DZIP1L: variants seen among roughly 807,000 people sequenced by gnomAD.
The protein encoded by DZIP1L is cilium assembly protein DZIP1L.
DZIP1L carries 90 observed loss-of-function variants against 88.7 expected under a neutral mutation model. The ratio of observed to expected loss-of-function variants is 1.02; its 90% CI spans 0.86 to 1.21. The LOEUF (loss-of-function observed/expected upper bound fraction) is 1.21. Among genes scored for constraint, DZIP1L ranks in the 50% most tolerant of loss-of-function variants. The pLI, the probability that DZIP1L is intolerant of heterozygous loss-of-function variation, is 0.00. For synonymous variants in DZIP1L, 363 were observed against 372.1 expected (o/e 0.98, Z 0.28); for missense variants, 932 against 955.8 (o/e 0.98, Z 0.33).
intron 11 of DZIP1L, among the ~76,000 whole-genome samples, chr3:138,075,202 T>C (rs778820870): frequency 1.3e-5 from 2 of 152,114 alleles, no homozygotes; most frequent in Non-Finnish European, 2.9e-5. Context: ...AACACAATAA[T>C]AGTGGGGGAT....
At position 138,071,788 on chromosome 3, in the gene DZIP1L, C is replaced by T. The variant is rs749943377; in HGVS notation, c.1470G>A (p.Leu490=). ...SIQTLRHLES[L]LRVQREQKAR... Reference sequence around the variant, plus strand: ...CCTTCTGCTCCCGCTGGACTCTCAGCAGGGATTCCAGGTGTCTGAGAGTCT... The same window carrying T: ...CCTTCTGCTCCCGCTGGACTCTCAGTAGGGATTCCAGGTGTCTGAGAGTCT... Residue 490 remains leucine, a synonymous_variant, in exon 12 of 16, where the codon CTG becomes CTA. Transcript: ENST00000327532. The T allele has an allele frequency of 6.2e-7, 1 of 1,614,148 alleles. No individual in the cohort carries two copies. Among genetic ancestry groups the T allele is most frequent in the Admixed American group, 1.7e-5 (1 of 60,034 alleles).
intron 12 of DZIP1L, 25 bp downstream of exon 12, chr3:138,071,618 T>G (rs770298935): frequency 6.2e-7 from 1 of 1,601,584 alleles, no homozygotes. Flanking sequence ...GTCACAGCCC[T>G]GAGCAAGCCC....
chr3:138,101,428 C>A, intron 2 of DZIP1L: 1 of 719,976 alleles, frequency 1.4e-6, no homozygotes, highest in South Asian at 1.6e-5. Flanking sequence ...CCCCGCTGGG[C>A]TCTGGGGCAG....
chr3:138,067,854 G>A lies in DZIP1L; in HGVS notation c.1833-154C>T, dbSNP rs3856632. On this transcript the variant is annotated intron_variant, in intron 13 of 15. Coordinates refer to ENST00000327532, the MANE Select transcript of DZIP1L (RefSeq NM_173543.3). ...AAGACAGCCAGGAGACCCCTGGAGT[G>A]CAGCAGCCACACCAGTATCTCCCTT... Among the ~76,000 whole-genome samples, 26,064 of 152,194 alleles carry A rather than the reference G, an allele frequency of 0.17. 2,552 individuals are homozygous for A. Among genetic ancestry groups the A allele is most frequent in the African/African-American group, 0.24 (10,129 of 41,486 alleles).
chr3:138,090,886 C>CTT (rs749384584), intron 5 of DZIP1L, among the ~76,000 whole-genome samples: 11 of 143,594 alleles, frequency 7.7e-5, no homozygotes, highest in Admixed American at 7.0e-5. Flanking sequence ...CAAGGGATAA[C>CTT]TTTTTTTTTT....
chr3:138,112,882 G>A (rs892167886), intron 1 of DZIP1L, among the ~76,000 whole-genome samples: 5 of 152,198 alleles, frequency 3.3e-5, no homozygotes, highest in Non-Finnish European at 7.3e-5. Context: ...GGGAAGCAGA[G>A]GTTGCAGTGA....
rs555261255 is a variant in DZIP1L at position 138,103,110 on chromosome 3, G to A, written c.501+361C>T. On this transcript the variant is annotated intron_variant, in intron 2 of 15. Transcript: ENST00000327532. ...ACATACACACAGAGGTACCCTTCAA[G>A]TATTCACACACACACACACACATTA... Among the ~76,000 whole-genome samples, 341 of 147,454 alleles carry A rather than the reference G, an allele frequency of 2.3e-3. 1 individual carries two copies. Among genetic ancestry groups the A allele is most frequent in the African/African-American group, 8.2e-3 (327 of 39,798 alleles).
rs36030851 is a variant in DZIP1L, at chr3:138,067,648, C to A, written c.1885G>T (p.Val629Leu). Reference sequence around the variant, plus strand: ...GGAACTTTTGGGGGCTGTAGAGACACACGCTGCACACGGTCTCCCTCTGAG... The same window carrying A: ...GGAACTTTTGGGGGCTGTAGAGACAAACGCTGCACACGGTCTCCCTCTGAG... ...EDSEGDRVQRVSLQPPKVPSR... is the reference protein window; with the variant it reads ...EDSEGDRVQRLSLQPPKVPSR... The change falls in exon 14 of 16, where the codon GTG becomes TTG. Residue 629 changes from valine to leucine, a missense_variant. Physicochemically the swap from Val to Leu is conservative, Grantham distance 32 (BLOSUM62 1). Coordinates refer to ENST00000327532, the MANE Select transcript of DZIP1L (RefSeq NM_173543.3). The A allele has an allele frequency of 6.2e-7, 1 of 1,609,432 alleles. No homozygotes were observed. The highest frequency in any genetic ancestry group is 8.5e-7 in the Non-Finnish European group (1 of 1,177,886).
At chr3:138,094,820 T>G in intron 4 of DZIP1L, 42 bp downstream of exon 4, 1 of 1,612,932 alleles carries the variant, frequency 6.2e-7, no homozygotes, top group Non-Finnish European at 8.5e-7. Flanking sequence ...TCCTGGGTAG[T>G]CCATGACCCA....
chr3:138,102,307 A>G (rs1294811854), intron 2 of DZIP1L: 12 of 1,379,160 alleles, frequency 8.7e-6, no homozygotes, highest in Non-Finnish European at 1.2e-5. Flanking sequence ...TTATTCATGT[A>G]AGCTTCATCC....
chr3:138,086,810 G>T, intron 7 of DZIP1L, 151 bp downstream of exon 7: 1 of 781,784 alleles, frequency 1.3e-6, no homozygotes, highest in Non-Finnish European at 2.1e-6. Flanking sequence ...TGTACTGATG[G>T]GGACAGTAGC....
intron 2 of DZIP1L, among the ~76,000 whole-genome samples, chr3:138,099,466 GTAA>G (rs1385782741): frequency 1.3e-5 from 2 of 152,206 alleles, no homozygotes; most frequent in Non-Finnish European, 2.9e-5. Context: ...AGCACCTTTT[GTAA>G]TAATATTTGG....
intron 8 of DZIP1L, 39 bp downstream of exon 8, chr3:138,084,074 G>A: frequency 7.5e-6 from 12 of 1,606,196 alleles, no homozygotes; most frequent in South Asian, 1.1e-5. Context: ...AAGAGGCCCA[G>A]GGACACCAAG....
At chr3:138,114,514 C>T (rs1030490291) in intron 1 of DZIP1L, among the ~76,000 whole-genome samples, 2 of 152,114 alleles carry the variant, frequency 1.3e-5, no homozygotes, top group Non-Finnish European at 2.9e-5. Flanking sequence ...TCCTCACATC[C>T]GGGAGGGGGA....
chr3:138,104,188 C>G (rs773076300), intron 1 of DZIP1L, 136 bp from the exon 2 acceptor site: 32 of 809,342 alleles, frequency 4.0e-5, no homozygotes, highest in Non-Finnish European at 6.0e-5. Context: ...TGTGTGCTGA[C>G]ATGGCCAGAG....
chr3:138,091,142 G>A (rs1223840306), intron 5 of DZIP1L, among the ~76,000 whole-genome samples: 2 of 151,738 alleles, frequency 1.3e-5, no homozygotes, highest in Non-Finnish European at 2.9e-5. Flanking sequence ...TTACAGGTGT[G>A]AGCCACTGCG....
intron 11 of DZIP1L, among the ~76,000 whole-genome samples, chr3:138,076,215 C>T (rs2724699): frequency 0.6 from 91,556 of 151,922 alleles, 29,094 homozygotes; most frequent in Non-Finnish European, 0.7. Flanking sequence ...CAATGTGATA[C>T]CACCTCACCC....
intron 1 of DZIP1L, among the ~76,000 whole-genome samples, chr3:138,105,651 C>CA (rs756474377): frequency 1.2e-3 from 184 of 150,280 alleles, no homozygotes; most frequent in Non-Finnish European, 2.0e-3. Flanking sequence ...AGAAACTATC[C>CA]TTTTTTTTTC....
At chr3:138,088,820 T>C in intron 5 of DZIP1L, 1 of 1,027,942 alleles carries the variant, frequency 9.7e-7, no homozygotes, top group East Asian at 9.1e-5. Context: ...CATTTCTTCC[T>C]CAGTCTGGAA....
Sources: gnomAD v4.1 joint callset for allele counts (sites outside exome capture counted in the v4.1 genomes callset) on GRCh38, gnomAD v4.1.1 for gene constraint, MANE v1.5 for transcripts, NCBI Gene and HGNC (gene_info 2026-07-23, HGNC 2026-07-21) for gene names.